CEP104: variants seen among roughly 807,000 people sequenced by gnomAD.
The protein encoded by CEP104 is centrosomal protein 104, also known as centrosomal protein of 104 kDa.
In CEP104, 84 loss-of-function variants were observed where a neutral mutation model predicts 113.3. The observed-to-expected ratio is 0.74, with a 90% CI of 0.62 to 0.89. The LOEUF is 0.89. Ranked by LOEUF, CEP104 falls within the 40% of genes least tolerant of loss-of-function variation. CEP104 has a pLI of 0.00. For missense variants in CEP104, 1,053 were observed against 1,156.6 expected (o/e 0.91, Z 1.30); for synonymous variants, 378 against 421.7 (o/e 0.90, Z 1.27).
At chr1:3,854,718 AT>A (rs1191233332) in intron 1 of CEP104, among the ~76,000 whole-genome samples, 1 of 145,914 alleles carries the variant, frequency 6.9e-6, no homozygotes, top group African/African-American at 2.6e-5. Flanking sequence ...CTCCTGGCCA[AT>A]CTGCCCGCCT....
chr1:3,845,717 T>G (rs1395448374), intron 4 of CEP104, among the ~76,000 whole-genome samples: 1 of 152,230 alleles, frequency 6.6e-6, no homozygotes, highest in African/African-American at 2.4e-5. Flanking sequence ...TATGCCAATA[T>G]AAATAATTTT....
At position 3,848,883 on chromosome 1, in the gene CEP104, C is replaced by T; in HGVS notation, c.114-102G>A. On this transcript the variant is annotated intron_variant, in intron 2 of 21. Coordinates refer to ENST00000378230, the MANE Select transcript of CEP104 (RefSeq NM_014704.4). ...AGGTAAGAAGCATTAACCACACACC[C>T]ACTTTGAACAGAACAGTCTGTAGGT... 1 of 838,522 alleles carries T rather than the reference C, an allele frequency of 1.2e-6. No homozygotes were observed. The highest frequency in any genetic ancestry group is 1.9e-6 in the Non-Finnish European group (1 of 535,422). The allele number at this position is 838,522 out of a possible 1,614,324, so 51.9% of individuals were successfully genotyped here. A position where few individuals can be genotyped will look rare whatever the true frequency, so the allele number is the denominator to read the frequency against.
Position 3,835,048 on chromosome 1 carries a change from T to C in CEP104, c.1362A>G (p.Ala454=). The change falls in exon 11 of 22, where the codon GCA becomes GCG. Residue 454 remains alanine, a synonymous_variant. Transcript: ENST00000378230. ...TTAACTTCTTAGACAAGGCAAGCAG[T>C]GCATCCTCTCGGTAGGACCACGTCT... ...YCKTWSYRED[A]LLALSKKLME... The C allele has an allele frequency of 6.2e-7, 1 of 1,614,112 alleles. No homozygotes were observed. Among genetic ancestry groups the C allele is most frequent in the Non-Finnish European group, 8.5e-7 (1 of 1,180,000 alleles).
At position 3,815,524 on chromosome 1, in the gene CEP104, A is replaced by G; in HGVS notation, c.2663-7T>C. 6.3e-7 allele frequency: 1 copy of G among 1,585,086 alleles called. No homozygotes were observed. Among genetic ancestry groups the G allele is most frequent in the Non-Finnish European group, 8.6e-7 (1 of 1,164,536 alleles). ...GCCACAGCTGAGCTTTTCCCTGCAG[A>G]GCAAGCACAGGACCTGCATTAGGAG... is the stretch of plus-strand genomic sequence containing the variant. On this transcript the variant is annotated splice_region_variant and splice_polypyrimidine_tract_variant and intron_variant, in intron 21 of 21. Transcript: ENST00000378230.
chr1:3,847,087 G>A (rs945275379), intron 4 of CEP104, among the ~76,000 whole-genome samples: 2 of 152,108 alleles, frequency 1.3e-5, no homozygotes, highest in African/African-American at 4.8e-5. Context: ...GGTTAAGTAG[G>A]CACATTAAAA....
chr1:3,853,752 C>T (rs1288689238), intron 1 of CEP104, among the ~76,000 whole-genome samples: 1 of 151,436 alleles, frequency 6.6e-6, no homozygotes, highest in African/African-American at 2.4e-5. Flanking sequence ...GTATATTAAA[C>T]AAAAACAAAA....
At chr1:3,839,389 C>T (rs1644373324) in intron 7 of CEP104, among the ~76,000 whole-genome samples, 1 of 152,142 alleles carries the variant, frequency 6.6e-6, no homozygotes, top group Admixed American at 6.6e-5. Context: ...GTAGCTGACC[C>T]TGACACCTGA....
intron 11 of CEP104, 109 bp from the exon 12 acceptor site, chr1:3,834,144 A>G (rs540177109): frequency 4.3e-6 from 4 of 931,220 alleles, no homozygotes; most frequent in Middle Eastern, 3.4e-4. Context: ...CGAAAATGAC[A>G]TCTCGTCTGA....
At chr1:3,845,917 G>A (rs888461528) in intron 4 of CEP104, among the ~76,000 whole-genome samples, 8 of 151,846 alleles carry the variant, frequency 5.3e-5, no homozygotes, top group African/African-American at 7.3e-5. Context: ...GAGAAACTCC[G>A]TCTCTACTAA....
chr1:3,855,590 T>C (rs897444906), intron 1 of CEP104, among the ~76,000 whole-genome samples: 6 of 152,136 alleles, frequency 3.9e-5, no homozygotes, highest in African/African-American at 1.4e-4. Flanking sequence ...TAAAACAAAG[T>C]ACTGGCATTT....
chr1:3,824,562 G>A (rs1644046394), intron 18 of CEP104, among the ~76,000 whole-genome samples: 1 of 152,208 alleles, frequency 6.6e-6, no homozygotes, highest in African/African-American at 2.4e-5. Flanking sequence ...GCTGTGGAGT[G>A]GGAGCAGATG....
intron 6 of CEP104, among the ~76,000 whole-genome samples, chr1:3,842,084 A>T (rs1644422896): frequency 6.9e-6 from 1 of 144,124 alleles, no homozygotes; most frequent in Admixed American, 6.8e-5. Context: ...AGCTGGTGTT[A>T]TTTTTTTATT....
chr1:3,816,759 C>T (rs1557655767), intron 20 of CEP104, among the ~76,000 whole-genome samples: 2 of 152,270 alleles, frequency 1.3e-5, no homozygotes, highest in South Asian at 2.1e-4. Context: ...GCGGGCTCCC[C>T]GCCAGCCTGC....
chr1:3,854,039 C>T (rs962000493), intron 1 of CEP104, among the ~76,000 whole-genome samples: 1 of 152,230 alleles, frequency 6.6e-6, no homozygotes, highest in Admixed American at 6.5e-5. Flanking sequence ...ACGCACAGCC[C>T]ATGGCTCCCA....
chr1:3,847,175 T>C (rs1426501249), intron 4 of CEP104, among the ~76,000 whole-genome samples: 3 of 152,228 alleles, frequency 2.0e-5, no homozygotes, highest in Admixed American at 6.5e-5. Flanking sequence ...TCACATACAA[T>C]TGACATAAAA....
chr1:3,840,325 C>T (rs758925855), intron 6 of CEP104, among the ~76,000 whole-genome samples: 2 of 152,168 alleles, frequency 1.3e-5, no homozygotes, highest in Admixed American at 6.5e-5. Flanking sequence ...CAACCTCCAC[C>T]TCCCGGGTTC....
At chr1:3,854,770 T>C (rs1166889244) in intron 1 of CEP104, among the ~76,000 whole-genome samples, 1 of 150,774 alleles carries the variant, frequency 6.6e-6, no homozygotes, top group African/African-American at 2.4e-5. Flanking sequence ...TAAGCCACCA[T>C]GCCAGGCCCC....
intron 11 of CEP104, 60 bp from the exon 12 acceptor site, chr1:3,834,095 C>A (rs1644266005): frequency 7.4e-6 from 10 of 1,350,226 alleles, no homozygotes; most frequent in African/African-American, 2.9e-5. Flanking sequence ...CAAGAGGAAA[C>A]ATGGCATTTA....
intron 1 of CEP104, among the ~76,000 whole-genome samples, chr1:3,854,102 C>G (rs1050206675): frequency 6.6e-6 from 1 of 152,160 alleles, no homozygotes; most frequent in Non-Finnish European, 1.5e-5. Flanking sequence ...CCTAGAGGTA[C>G]TTTTCCCTTG....
Sources: gnomAD v4.1 joint callset for allele counts (sites outside exome capture counted in the v4.1 genomes callset) on GRCh38, gnomAD v4.1.1 for gene constraint, MANE v1.5 for transcripts, NCBI Gene and HGNC (gene_info 2026-07-23, HGNC 2026-07-21) for gene names.